Variants in COLEC12 observed in about 807,000 individuals in gnomAD.
COLEC12 encodes the protein collectin subfamily member 12, also known as collectin-12.
A neutral mutation model predicts 71.1 loss-of-function variants in COLEC12; 33 were observed. That is an observed-to-expected ratio of 0.46 (90% CI 0.35 to 0.62). The LOEUF (loss-of-function observed/expected upper bound fraction) is 0.62, where lower values mean the gene tolerates loss of function less well. Ranked by LOEUF, COLEC12 falls within the 20% of genes least tolerant of loss-of-function variation. COLEC12 has a pLI of 0.00. For synonymous variants in COLEC12, 350 were observed against 353.0 expected, an observed-to-expected ratio of 0.99 and a Z score of 0.10; for missense variants, 765 against 916.1, an observed-to-expected ratio of 0.84 and a Z score of 2.13.
Position 390,761 on chromosome 18 carries a change from GA to G in COLEC12, c.59-33240del, listed in dbSNP as rs1031477808. ...GGCCACAAAGTGAGACTCCGTCTCCGAAAAAAAAAGAAGAAAAATGATAGCA... is the reference window on the plus strand; with the variant it reads ...GGCCACAAAGTGAGACTCCGTCTCCGAAAAAAAAGAAGAAAAATGATAGCA... On this transcript the variant is annotated intron_variant, in intron 2 of 9. Transcript: ENST00000400256. Among the ~76,000 whole-genome samples, 420 of 150,442 alleles carry G rather than the reference GA, an allele frequency of 2.8e-3. 2 individuals are homozygous for G. Among genetic ancestry groups the G allele is most frequent in the Admixed American group, 9.1e-3 (138 of 15,100 alleles).
intron 2 of COLEC12, among the ~76,000 whole-genome samples, chr18:475,022 C>T (rs62090018): frequency 0.15 from 22,797 of 151,750 alleles, 2,274 homozygotes; most frequent in Middle Eastern, 0.27. Flanking sequence ...TGCAGTGAGC[C>T]GAGATCGCGC....
chr18:368,518 G>A (rs1914905428), intron 2 of COLEC12, among the ~76,000 whole-genome samples: 1 of 152,076 alleles, frequency 6.6e-6, no homozygotes, highest in South Asian at 2.1e-4. Flanking sequence ...AGGTTGCAGT[G>A]AGCCGAAATC....
chr18:436,387 T>C (rs1916403587), intron 2 of COLEC12, among the ~76,000 whole-genome samples: 2 of 151,528 alleles, frequency 1.3e-5, no homozygotes, highest in African/African-American at 2.4e-5. Context: ...GGCGGGTACA[T>C]GTAATTAATC....
intron 5 of COLEC12, 69 bp from the exon 6 acceptor site, chr18:335,299 T>C (rs922596302): frequency 1.3e-5 from 19 of 1,492,596 alleles, no homozygotes; most frequent in Non-Finnish European, 1.7e-5. Context: ...TAATTTTTCT[T>C]CTTATAAAAT....
intron 1 of COLEC12, among the ~76,000 whole-genome samples, chr18:490,184 GGAGA>G (rs1598381701): frequency 6.6e-6 from 1 of 152,226 alleles, no homozygotes. Flanking sequence ...GAGGCCACCT[GGAGA>G]GAGAGAATCA....
At chr18:337,457 T>A (rs1221386970) in intron 5 of COLEC12, among the ~76,000 whole-genome samples, 1 of 152,214 alleles carries the variant, frequency 6.6e-6, no homozygotes, top group Non-Finnish European at 1.5e-5. Context: ...GCTCTGGACT[T>A]AATTTGCTTA....
chr18:370,810 A>T (rs746698659), intron 2 of COLEC12, among the ~76,000 whole-genome samples: 2 of 151,990 alleles, frequency 1.3e-5, no homozygotes, highest in Non-Finnish European at 2.9e-5. Context: ...AGGCCTCTCA[A>T]CCCTACTCTG....
chr18:427,694 G>A (rs1199129681), intron 2 of COLEC12, among the ~76,000 whole-genome samples: 2 of 151,398 alleles, frequency 1.3e-5, no homozygotes, highest in African/African-American at 2.5e-5. Context: ...ATTCATAACC[G>A]GTCCTCAAAT....
intron 2 of COLEC12, among the ~76,000 whole-genome samples, chr18:427,338 A>G (rs993299018): frequency 8.2e-5 from 12 of 146,888 alleles, no homozygotes; most frequent in African/African-American, 2.7e-4. Context: ...AATGCCAACA[A>G]AGGTGACTCC....
At chr18:433,339 A>C (rs995440024) in intron 2 of COLEC12, among the ~76,000 whole-genome samples, 1 of 152,160 alleles carries the variant, frequency 6.6e-6, no homozygotes, top group African/African-American at 2.4e-5. Context: ...TTGCGCTTGG[A>C]AAGTTGTTAC....
intron 5 of COLEC12, among the ~76,000 whole-genome samples, chr18:336,990 C>G (rs62089622): frequency 0.1 from 15,905 of 151,706 alleles, 975 homozygotes; most frequent in Admixed American, 0.16. Flanking sequence ...TCCCATGTAG[C>G]TGGGACTAGA....
intron 2 of COLEC12, among the ~76,000 whole-genome samples, chr18:456,336 G>A (rs1459675204): frequency 1.3e-5 from 2 of 152,076 alleles, no homozygotes; most frequent in African/African-American, 2.4e-5. Flanking sequence ...CAAACCCCTC[G>A]CTGGTTTAAG....
intron 2 of COLEC12, among the ~76,000 whole-genome samples, chr18:447,518 A>G (rs1255441451): frequency 2.0e-5 from 3 of 152,228 alleles, no homozygotes; most frequent in Admixed American, 6.5e-5. Context: ...TTTGACTCCC[A>G]TGCCAGACCA....
chr18:345,334 G>A (rs917626872), intron 5 of COLEC12, among the ~76,000 whole-genome samples: 5 of 152,190 alleles, frequency 3.3e-5, no homozygotes, highest in African/African-American at 1.2e-4. Context: ...TTATATGGAT[G>A]ATCTGGATAA....
chr18:418,914 C>T (rs953809108), intron 2 of COLEC12, among the ~76,000 whole-genome samples: 5 of 152,162 alleles, frequency 3.3e-5, no homozygotes, highest in Admixed American at 6.5e-5. Flanking sequence ...TGAGGACTCG[C>T]CCTGATTTCT....
In COLEC12 at chr18:362,108, C is replaced by T. The variant is rs1044590629; in HGVS notation, c.59-4586G>A. Among the ~76,000 whole-genome samples, 1 of 152,182 alleles carries T rather than the reference C, an allele frequency of 6.6e-6. No individual in the cohort carries two copies. Among genetic ancestry groups the T allele is most frequent in the Non-Finnish European group, 1.5e-5 (1 of 68,038 alleles). ...CACTCATCTTTCCCTCCCATCCTTC[C>T]CCGTGAGCTAGCCCTGTGGCCGCCA... On this transcript the variant is annotated intron_variant, in intron 2 of 9. Transcript: ENST00000400256. This position sits in a 1 kb window ranked among gnomAD's most constrained non-coding sequence, Gnocchi z 4.6.
chr18:433,274 T>C (rs1916340410), intron 2 of COLEC12, among the ~76,000 whole-genome samples: 1 of 152,184 alleles, frequency 6.6e-6, no homozygotes, highest in African/African-American at 2.4e-5. Flanking sequence ...ATCATTAAAA[T>C]GGTTGAGCAC....
intron 5 of COLEC12, among the ~76,000 whole-genome samples, chr18:336,034 T>C (rs1914111593): frequency 6.6e-6 from 1 of 152,218 alleles, no homozygotes; most frequent in African/African-American, 2.4e-5. Flanking sequence ...ATTTGGTAAA[T>C]ATTTATTAAA....
At chr18:442,002 T>TCCACACAC (rs1221111408) in intron 2 of COLEC12, among the ~76,000 whole-genome samples, 2 of 120,744 alleles carry the variant, frequency 1.7e-5, no homozygotes, top group African/African-American at 7.8e-5. Context: ...TCTCTCTCTC[T>TCCACACAC]ACACACACAC....
Sources: gnomAD v4.1 joint callset for allele counts (sites outside exome capture counted in the v4.1 genomes callset) on GRCh38, gnomAD v4.1.1 for gene constraint, Gnocchi (gnomAD v3.1) non-coding constraint, MANE v1.5 for transcripts, NCBI Gene and HGNC (gene_info 2026-07-23, HGNC 2026-07-21) for gene names.